The following SEMA4A variants were observed in gnomAD, a reference collection of about 807,000 sequenced individuals.
SEMA4A encodes the protein semaphorin-4A.
A neutral mutation model predicts 72.5 loss-of-function variants in SEMA4A; 52 were observed. The ratio of observed to expected loss-of-function variants is 0.72; its 90% CI spans 0.57 to 0.90. The LOEUF is 0.90. SEMA4A is among the 40% of genes least tolerant of loss of function. The pLI, the probability that SEMA4A is intolerant of heterozygous loss-of-function variation, is 0.00. For synonymous variants in SEMA4A, 369 were observed against 393.1 expected (o/e 0.94, Z 0.73); for missense variants, 926 against 959.7 (o/e 0.96, Z 0.46).
rs1655148795 is a variant in SEMA4A, at chr1:156,174,853, T to C, written c.1347T>C (p.Ser449=). The change falls in exon 12 of 15, where the codon AGT becomes AGC. Residue 449 remains serine, a synonymous_variant. Coordinates refer to ENST00000368285, the MANE Select transcript of SEMA4A (RefSeq NM_022367.4). ...TTGSLHKAVV[S]GDSSAHLVEE... is the part of the protein sequence containing the mutation. ...GGTCGCTCCACAAGGCTGTGGTAAG[T>C]GGGGACAGCAGTGCTCATCTGGTGG... The C allele has an allele frequency of 6.2e-7, 1 of 1,614,212 alleles. No individual in the cohort carries two copies. The highest frequency in any genetic ancestry group is 8.5e-7 in the Non-Finnish European group (1 of 1,180,030).
At chr1:156,154,359 C>T in intron 1 of SEMA4A, 191 bp from the exon 2 acceptor site, 2 of 602,218 alleles carry the variant, frequency 3.3e-6, no homozygotes, top group East Asian at 5.6e-5. Context: ...AGGTGACAGG[C>T]TGAGGCCTGG....
At chr1:156,159,515 T>C (rs1341227685) in intron 6 of SEMA4A, among the ~76,000 whole-genome samples, 2 of 151,994 alleles carry the variant, frequency 1.3e-5, no homozygotes, top group African/African-American at 2.4e-5. Flanking sequence ...GGGAAGGGTA[T>C]TGGGTAGAGA....
intron 2 of SEMA4A, chr1:156,155,402 G>T (rs1652917807): frequency 6.5e-6 from 1 of 152,814 alleles, no homozygotes; most frequent in South Asian, 2.0e-4. Flanking sequence ...TTGATGCAGA[G>T]ACCTCCTCTG....
At chr1:156,175,528 A>T (rs779199395) in intron 13 of SEMA4A, 28 bp from the exon 14 acceptor site, 111 of 1,572,272 alleles carry the variant, frequency 7.1e-5, no homozygotes, top group Non-Finnish European at 8.9e-5. Context: ...CTTTTGAAGG[A>T]TAATTTTTAC....
Position 156,161,484 on chromosome 1 carries a change from G to A in SEMA4A, c.949G>A (p.Ala317Thr). 1 of 1,614,014 alleles carries A rather than the reference G, an allele frequency of 6.2e-7. No homozygotes were observed. The highest frequency in any genetic ancestry group is 8.5e-7 in the Non-Finnish European group (1 of 1,179,972). ...CCTGCTCCCCGCCGATTCTCCCACAGCTCCCCACATCTACGCAGTCTTCAC... is the reference window on the plus strand; with the variant it reads ...CCTGCTCCCCGCCGATTCTCCCACAACTCCCCACATCTACGCAGTCTTCAC... ...AVLLPADSPTAPHIYAVFTSQ... is the reference protein window; with the variant it reads ...AVLLPADSPTTPHIYAVFTSQ... The change falls in exon 9 of 15, where the codon GCT (alanine) becomes ACT (threonine). Residue 317 changes from alanine (A) to threonine (T), a missense_variant. Ala to Thr is a moderately conservative substitution (Grantham distance 58). Coordinates refer to ENST00000368285, the MANE Select transcript of SEMA4A (RefSeq NM_022367.4).
intron 11 of SEMA4A, among the ~76,000 whole-genome samples, chr1:156,173,297 G>T (rs1654982583): frequency 6.6e-6 from 1 of 152,230 alleles, no homozygotes; most frequent in Non-Finnish European, 1.5e-5. Flanking sequence ...GGAATGAAAG[G>T]TGAGTGGGTG....
At chr1:156,159,151 T>C (rs1572395609) in intron 6 of SEMA4A, 1 of 357,224 alleles carries the variant, frequency 2.8e-6, no homozygotes, top group East Asian at 6.8e-5. Flanking sequence ...CTGGTAAACA[T>C]GGTGAAACCC....
intron 10 of SEMA4A, among the ~76,000 whole-genome samples, chr1:156,172,216 C>G (rs546846117): frequency 6.6e-6 from 1 of 152,162 alleles, no homozygotes; most frequent in Non-Finnish European, 1.5e-5. Context: ...CTTCTGGGTT[C>G]AAGTGATTCT....
At position 156,157,421 on chromosome 1, in the gene SEMA4A, T is replaced by C. The variant is rs1159119074; in HGVS notation, c.301-649T>C. 6.6e-6 allele frequency among the ~76,000 whole-genome samples: 1 copy of C among 152,168 alleles called. No individual in the cohort carries two copies. The highest frequency in any genetic ancestry group is 1.9e-4 in the East Asian group (1 of 5,194). On this transcript the variant is annotated intron_variant, in intron 3 of 14. Transcript: ENST00000368285. The surrounding 1 kb of genome is among the most constrained non-coding windows in gnomAD (Gnocchi z 4.5). Reference sequence around the variant, plus strand: ...CTGGTCTCGAACTCCCGACCTCAGGTGATCCATCCGCCTCAGGCTTTCTAA... The same window carrying C: ...CTGGTCTCGAACTCCCGACCTCAGGCGATCCATCCGCCTCAGGCTTTCTAA...
In SEMA4A at chr1:156,177,266, C is replaced by T. The variant is rs1022066093; in HGVS notation, c.*269C>T. The T allele has an allele frequency of 7.3e-6, 4 of 546,354 alleles. No homozygotes were observed. In the African/African-American group the frequency reaches 7.6e-5, roughly 10 times the overall value. 33.8% of individuals were successfully genotyped at this position (546,354 alleles called of 1,614,324 possible). On this transcript the variant is annotated 3_prime_UTR_variant, in exon 15 of 15. Transcript: ENST00000368285. Reference sequence around the variant, plus strand: ...CTGCTCCTACACTGATATTGAAGAACCTGGAGAGGATCCTTCAGTTCTGGC... The same window carrying T: ...CTGCTCCTACACTGATATTGAAGAATCTGGAGAGGATCCTTCAGTTCTGGC...
intron 11 of SEMA4A, 66 bp from the exon 12 acceptor site, chr1:156,174,756 C>T: frequency 6.2e-7 from 1 of 1,610,260 alleles, no homozygotes; most frequent in Non-Finnish European, 8.5e-7. Context: ...TGGGGAGGCC[C>T]CCGGAAGTTG....
rs570291225 is a variant in SEMA4A, at chr1:156,175,740, C to T, written c.1693+84C>T. 3 of 970,022 alleles carry T rather than the reference C, an allele frequency of 3.1e-6. No individual in the cohort carries two copies. The East Asian group carries it at 7.8e-5, about 25-fold the overall frequency. The allele number at this position is 970,022 out of a possible 1,614,324, so 60.1% of individuals were successfully genotyped here. On this transcript the variant is annotated intron_variant, in intron 14 of 14. Transcript: ENST00000368285. Reference sequence around the variant, plus strand: ...GGGTGGGCATTCCTGCTCCAATTTCCTCCCCCAGCACCTGCCTGGCTTGAG... The same window carrying T: ...GGGTGGGCATTCCTGCTCCAATTTCTTCCCCCAGCACCTGCCTGGCTTGAG...
At chr1:156,150,914 C>T (rs1006255783), upstream of SEMA4A, among the ~76,000 whole-genome samples, 2 of 152,194 alleles carry the variant, frequency 1.3e-5, no homozygotes, top group Middle Eastern at 3.4e-3. Context: ...GAGAAATGGG[C>T]TGGGGGAAAC....
At chr1:156,175,717 G>C in intron 14 of SEMA4A, 61 bp downstream of exon 14, 1 of 1,219,502 alleles carries the variant, frequency 8.2e-7, no homozygotes, top group Non-Finnish European at 1.2e-6. Context: ...TTGGGCAGGG[G>C]TGGGCATTCC....
upstream of SEMA4A, among the ~76,000 whole-genome samples, chr1:156,150,698 A>G (rs1652467002): frequency 6.6e-6 from 1 of 152,108 alleles, no homozygotes; most frequent in Non-Finnish European, 1.5e-5. Context: ...CAGAGGTAGC[A>G]TAGAGTCGGG....
intron 10 of SEMA4A, among the ~76,000 whole-genome samples, chr1:156,169,455 A>T (rs1256144646): frequency 8.5e-6 from 1 of 117,124 alleles, no homozygotes; most frequent in Non-Finnish European, 1.6e-5. Context: ...TTGCTCGCTC[A>T]GTTGCCCAGG....
chr1:156,170,569 T>C (rs541319995), intron 10 of SEMA4A, among the ~76,000 whole-genome samples: 76 of 142,930 alleles, frequency 5.3e-4, no homozygotes, highest in Middle Eastern at 4.3e-3. Context: ...CTGGCTAACA[T>C]GGTGAAACCC....
intron 8 of SEMA4A, 25 bp downstream of exon 8, chr1:156,161,054 G>A: frequency 9.4e-7 from 1 of 1,061,430 alleles, no homozygotes. Flanking sequence ...CGGGGGGCGG[G>A]GCTAACTGGA....
At chr1:156,154,252 G>A (rs1395203714) in intron 1 of SEMA4A, 4 of 389,610 alleles carry the variant, frequency 1.0e-5, no homozygotes. Context: ...GACTTCCTGA[G>A]AGTAAGGCAA....
Sources: allele counts gnomAD v4.1 joint callset (sites outside exome capture counted in the v4.1 genomes callset), GRCh38; gene constraint gnomAD v4.1.1; non-coding constraint Gnocchi (gnomAD v3.1); transcripts MANE v1.5; gene names NCBI Gene and HGNC (gene_info 2026-07-23, HGNC 2026-07-21).